The following SPTBN2 variants were observed in gnomAD, a reference collection of about 807,000 sequenced individuals.
The protein encoded by SPTBN2 is spectrin beta chain, non-erythrocytic 2.
In SPTBN2, 107 loss-of-function variants were observed where a neutral mutation model predicts 284.2. The ratio of observed to expected loss-of-function variants is 0.38; its 90% CI spans 0.32 to 0.44. The LOEUF (loss-of-function observed/expected upper bound fraction) is 0.44, where lower values mean the gene tolerates loss of function less well. SPTBN2 is among the 20% of genes least tolerant of loss of function. The probability of loss-of-function intolerance (pLI) is 1.00; values close to 1 mark genes in which losing one functional copy is unlikely to be tolerated. For synonymous variants in SPTBN2, 1,289 were observed against 1,354.8 expected (o/e 0.95, Z 1.07); for missense variants, 2,569 against 3,287.1 (o/e 0.78, Z 5.34).
intron 1 of SPTBN2, among the ~76,000 whole-genome samples, chr11:66,736,103 A>C (rs1436975259): frequency 2.6e-5 from 4 of 152,192 alleles, no homozygotes; most frequent in African/African-American, 7.2e-5. Flanking sequence ...AAATGAGCCA[A>C]GATAAAGTGC....
At chr11:66,736,344 C>T (rs1219191099) in intron 1 of SPTBN2, among the ~76,000 whole-genome samples, 1 of 152,196 alleles carries the variant, frequency 6.6e-6, no homozygotes, top group African/African-American at 2.4e-5. Flanking sequence ...TTATCTTTCT[C>T]CAGGTGGGAC....
At chr11:66,740,935 G>A (rs1207453011) in intron 1 of SPTBN2, among the ~76,000 whole-genome samples, 2 of 152,134 alleles carry the variant, frequency 1.3e-5, no homozygotes, top group Non-Finnish European at 2.9e-5. Context: ...CATTCAAAAG[G>A]AAAGCTCAAC....
chr11:66,705,181 G>A lies in SPTBN2; in HGVS notation c.2095C>T (p.Leu699Phe), dbSNP rs1435565940. ...EMSGRLGPLKLTLEQGQQLVA... is the reference protein window; with the variant it reads ...EMSGRLGPLKFTLEQGQQLVA... Reference sequence around the variant, plus strand: ...AACTGCTGGCCCTGCTCCAGGGTGAGCTTCAGGGGCCCCAGCCGGCCGCTC... The same window carrying A: ...AACTGCTGGCCCTGCTCCAGGGTGAACTTCAGGGGCCCCAGCCGGCCGCTC... The change falls in exon 15 of 38, where the codon CTC becomes TTC. Residue 699 changes from leucine to phenylalanine, a missense_variant. Transcript: ENST00000533211. The A allele has an allele frequency of 4.6e-6, 7 of 1,534,810 alleles. No homozygotes were observed. Among genetic ancestry groups the A allele is most frequent in the Admixed American group, 2.0e-5 (1 of 50,974 alleles).
chr11:66,722,307 T>G (rs12788626), intron 1 of SPTBN2, among the ~76,000 whole-genome samples: 25,593 of 150,852 alleles, frequency 0.17, 2,767 homozygotes, highest in Non-Finnish European at 0.24. Flanking sequence ...GGGCGCGGTG[T>G]CTCACGCCTG....
chr11:66,687,732 G>A lies in SPTBN2; in HGVS notation c.6502-85C>T, dbSNP rs868148148. 10 of 1,581,496 alleles carry A rather than the reference G, an allele frequency of 6.3e-6. No individual in the cohort carries two copies. The highest frequency in any genetic ancestry group is 1.9e-4 in the Middle Eastern group (1 of 5,386). On this transcript the variant is annotated intron_variant, in intron 34 of 37. Transcript: ENST00000533211. This position sits in a 1 kb window ranked among gnomAD's most constrained non-coding sequence, Gnocchi z 5.2. ...CAGGAAGCTCCGTGTCCAGGAGTTG[G>A]TCTTCCTGCCCCCAAGCTGCCTGTG...
exon 1 of SPTBN2, chr11:66,744,657 T>A (rs960205728): frequency 4.4e-6 from 2 of 452,868 alleles, no homozygotes; most frequent in Admixed American, 1.1e-4. Flanking sequence ...CGGTTCGCGG[T>A]CTCGGGGCCC....
Position 66,704,740 on chromosome 11 carries a change from G to A in SPTBN2, c.2536C>T (p.Arg846Trp), listed in dbSNP as rs766885350. 24 of 1,602,092 alleles carry A rather than the reference G, an allele frequency of 1.5e-5. 1 individual carries two copies. The Admixed American group carries it at 2.0e-4, about 14-fold the overall frequency. ...AGCGCCAGGGCTGCCTCCAAGGCCC[G>A]CGCTCGCTCGCCTGCCCGGGCCTGC... ...ELQARAGERARALEAALALYT... is the reference protein window; with the variant it reads ...ELQARAGERAWALEAALALYT... The change falls in exon 15 of 38, where the codon CGG becomes TGG. Residue 846 changes from arginine (R) to tryptophan (W), a missense_variant. Arg to Trp is a moderately radical substitution (Grantham distance 101). Transcript: ENST00000533211.
At position 66,710,470 on chromosome 11, in the gene SPTBN2, T is replaced by C. The variant is rs114793940; in HGVS notation, c.1073+112A>G. The C allele has an allele frequency of 2.6e-3, 2,722 of 1,061,318 alleles. 62 individuals are homozygous for C. In the African/African-American group the frequency reaches 0.037, roughly 14 times the overall value. 65.7% of individuals were successfully genotyped at this position (1,061,318 alleles called of 1,614,324 possible). A position where few individuals can be genotyped will look rare whatever the true frequency, so the allele number is the denominator to read the frequency against. On this transcript the variant is annotated intron_variant, in intron 10 of 37. Coordinates refer to ENST00000533211, the MANE Select transcript of SPTBN2 (RefSeq NM_006946.4). This position sits in a 1 kb window ranked among gnomAD's most constrained non-coding sequence, Gnocchi z 4.9. ...GTTTGGATGCTTCTGGTGTGGGAAA[T>C]CTCCACTGCATTTATGTACTGCCAA...
At chr11:66,727,394 C>T (rs1484302337) in intron 1 of SPTBN2, among the ~76,000 whole-genome samples, 1 of 152,176 alleles carries the variant, frequency 6.6e-6, no homozygotes, top group African/African-American at 2.4e-5. Context: ...CCGGGGCAAA[C>T]CTGCACCTCA....
In SPTBN2 at chr11:66,685,905, T is replaced by A; in HGVS notation, c.7139A>T (p.Glu2380Val). 6.2e-7 allele frequency: 1 copy of A among 1,613,952 alleles called. No homozygotes were observed. Among genetic ancestry groups the A allele is most frequent in the African/African-American group, 1.3e-5 (1 of 75,034 alleles). ...RSKDGRERER[E>V]KRFSFFKKNK ...CTTCTTAAAGAAGCTGAAGCGTTTT[T>A]CTCGCTCTCGTTCTCTGCCGTCTTT... The change falls in exon 38 of 38, where the codon GAA becomes GTA. Residue 2380 changes from glutamate to valine, a missense_variant. Glu to Val is a moderately radical substitution (Grantham distance 121, BLOSUM62 -2). Coordinates refer to ENST00000533211, the MANE Select transcript of SPTBN2 (RefSeq NM_006946.4). This position sits in a 1 kb window ranked among gnomAD's most constrained non-coding sequence, Gnocchi z 4.4.
chr11:66,716,776 G>C (rs1367063589), intron 3 of SPTBN2, among the ~76,000 whole-genome samples: 1 of 152,246 alleles, frequency 6.6e-6, no homozygotes, highest in Non-Finnish European at 1.5e-5. Context: ...CTGTTATAAA[G>C]TGGTGTGATC....
At chr11:66,721,318 C>T in intron 2 of SPTBN2, 32 bp downstream of exon 2, 1 of 1,581,060 alleles carries the variant, frequency 6.3e-7, no homozygotes, top group Non-Finnish European at 8.7e-7. Context: ...GCCCTCCACT[C>T]ACCACCGGGG....
intron 20 of SPTBN2, among the ~76,000 whole-genome samples, chr11:66,697,694 C>G (rs1440036815): frequency 6.6e-6 from 1 of 152,150 alleles, no homozygotes; most frequent in Non-Finnish European, 1.5e-5. Context: ...CCTTATTCCC[C>G]AGGCTTCAAC....
rs769917136 is a variant in SPTBN2 at position 66,691,350 on chromosome 11, G to A, written c.5499C>T (p.Asn1833=). ...GTCGGCGCTGCAGGGCCTCGGCAGC[G>A]TTGAGGTCGCGGCCAGTCCCGTCCG... ...QLPDGTGRDL[N]AAEALQRRHC... is the part of the protein sequence containing the mutation. Residue 1833 remains asparagine, a synonymous_variant, in exon 27 of 38, where the codon AAC becomes AAT. Coordinates refer to ENST00000533211, the MANE Select transcript of SPTBN2 (RefSeq NM_006946.4). This position sits in a 1 kb window ranked among gnomAD's most constrained non-coding sequence, Gnocchi z 8.0. 13 of 1,574,542 alleles carry A rather than the reference G, an allele frequency of 8.3e-6. No individual in the cohort carries two copies. Among genetic ancestry groups the A allele is most frequent in the Admixed American group, 5.2e-5 (3 of 57,794 alleles).
At position 66,707,638 on chromosome 11, in the gene SPTBN2, G is replaced by A. The variant is rs769185550; in HGVS notation, c.1531C>T (p.Arg511Trp). The A allele has an allele frequency of 1.7e-5, 27 of 1,609,264 alleles. No homozygotes were observed. The highest frequency in any genetic ancestry group is 4.4e-5 in the South Asian group (4 of 91,080). Residue 511 changes from arginine (R) to tryptophan (W), a missense_variant, in exon 13 of 38, where the codon CGG (arginine) becomes TGG (tryptophan). By Grantham distance (101) the Arg-to-Trp change is moderately radical (BLOSUM62 -3). This residue lies in a region of SPTBN2 where 1,012 missense variants were observed against 1,248.9 expected (regional missense o/e 0.81). Transcript: ENST00000533211. The surrounding 1 kb of genome is among the most constrained non-coding windows in gnomAD (Gnocchi z 4.9). ...ATCTGCCGCAAGAAGTCCCAGAGCC[G>A]TGCCACGTTGTGCTGCCGAGCGGCG... Reference protein sequence around the residue: ...RIAARQHNVARLWDFLRQMVA... With the variant: ...RIAARQHNVAWLWDFLRQMVA...
chr11:66,688,228 G>A lies in SPTBN2; in HGVS notation c.6315C>T (p.Ala2105=). Residue 2105 remains alanine, a synonymous_variant, in exon 32 of 38, where the codon GCC becomes GCT. Coordinates refer to ENST00000533211, the MANE Select transcript of SPTBN2 (RefSeq NM_006946.4). ...RKQPPAPEPT[A]SVPPGDLVGG... The stretch of plus-strand genomic sequence containing the variant: ...CCACCAGGTCCCCTGGAGGCACACT[G>A]GCTGTGGGTTCGGGAGCAGGCGGCT... 6.2e-7 allele frequency: 1 copy of A among 1,613,746 alleles called. No homozygotes were observed. The highest frequency in any genetic ancestry group is 1.1e-5 in the South Asian group (1 of 91,086).
chr11:66,686,729 C>A (rs767806899), intron 36 of SPTBN2: 7 of 634,818 alleles, frequency 1.1e-5, no homozygotes, highest in Middle Eastern at 4.0e-4. Flanking sequence ...CTTCCCAGAT[C>A]CCTACCTTTG....
intron 21 of SPTBN2, 148 bp from the exon 22 acceptor site, chr11:66,694,511 G>C: frequency 1.2e-6 from 1 of 810,978 alleles, no homozygotes; most frequent in Non-Finnish European, 1.9e-6. Context: ...GGCTGGATCA[G>C]TGGATCTCGA....
At chr11:66,709,093 G>A in intron 10 of SPTBN2, 74 bp from the exon 11 acceptor site, 1 of 1,231,664 alleles carries the variant, frequency 8.1e-7, no homozygotes. Context: ...TCTTCCAAAT[G>A]GGTGTCCTGT....
Sources: gnomAD v4.1 joint callset for allele counts (sites outside exome capture counted in the v4.1 genomes callset) on GRCh38, gnomAD v4.1.1 for gene constraint, gnomAD v4.1.1 regional missense constraint, Gnocchi (gnomAD v3.1) non-coding constraint, MANE v1.5 for transcripts, NCBI Gene and HGNC (gene_info 2026-07-23, HGNC 2026-07-21) for gene names.